The following DOCK5 variants were observed in gnomAD, a reference collection of about 807,000 sequenced individuals.
DOCK5 encodes dedicator of cytokinesis 5.
A neutral mutation model predicts 251.8 loss-of-function variants in DOCK5; 142 were observed. That is an observed-to-expected ratio of 0.56 (90% confidence interval 0.49 to 0.65). The LOEUF (loss-of-function observed/expected upper bound fraction) is 0.65. Among genes scored for constraint, DOCK5 ranks in the 30% least tolerant of loss-of-function variants. DOCK5 has a pLI of 0.00. For synonymous variants in DOCK5, 842 were observed against 835.5 expected (o/e 1.01, Z -0.13); for missense variants, 2,111 against 2,312.3 (o/e 0.91, Z 1.79).
chr8:25,401,201 G>C, intron 47 of DOCK5, 135 bp downstream of exon 47: 2 of 1,268,536 alleles, frequency 1.6e-6, no homozygotes, highest in Non-Finnish European at 2.2e-6. Flanking sequence ...TGGTGGGAGA[G>C]AGTGTGTTCC....
At chr8:25,404,820 CCA>C (rs1218095035) in intron 48 of DOCK5, among the ~76,000 whole-genome samples, 3 of 152,060 alleles carry the variant, frequency 2.0e-5, no homozygotes, top group African/African-American at 4.8e-5. Flanking sequence ...AAAGATTATA[CCA>C]GTTTACACTC....
At chr8:25,365,196 C>G (rs1456014996) in intron 30 of DOCK5, among the ~76,000 whole-genome samples, 1 of 152,190 alleles carries the variant, frequency 6.6e-6, no homozygotes, top group African/African-American at 2.4e-5. Flanking sequence ...ATCCATTCAT[C>G]CATTTAACAA....
At chr8:25,410,962 TGTGTGTGTGTGCGC>T (rs1397505999) in intron 51 of DOCK5, among the ~76,000 whole-genome samples, 1,169 of 30,988 alleles carry the variant, frequency 0.038, 17 homozygotes, top group South Asian at 0.16. Flanking sequence ...TGTGTGTGTG[TGTGTGTGTGTGCGC>T]GCGCGCGCAC....
At chr8:25,199,366 A>G (rs904395415) in intron 1 of DOCK5, among the ~76,000 whole-genome samples, 2 of 140,652 alleles carry the variant, frequency 1.4e-5, no homozygotes, top group Non-Finnish European at 3.0e-5. Context: ...CTCAGCTTCC[A>G]TTTCCGCTCT....
Position 25,317,046 on chromosome 8 carries a change from G to A in DOCK5, c.1358G>A (p.Gly453Asp). Residue 453 changes from glycine (G) to aspartate (D), a missense_variant, in exon 14 of 52, where the codon GGT becomes GAT. Physicochemically the swap from Gly to Asp is moderately conservative, Grantham distance 94 (BLOSUM62 -1). Around this residue, in one of 3 missense-constraint regions of DOCK5, gnomAD observed 1,717 missense variants for 1,892.4 expected, o/e 0.91. Transcript: ENST00000276440. ...RNDIYVTLIH[G>D]EFDKGKKKTP... Reference sequence around the variant, plus strand: ...GACATTTATGTCACCCTGATCCACGGTGAGTTTGACAAAGGGAAGAAGAAG... The same window carrying A: ...GACATTTATGTCACCCTGATCCACGATGAGTTTGACAAAGGGAAGAAGAAG... 2 of 1,613,962 alleles carry A rather than the reference G, an allele frequency of 1.2e-6. No individual in the cohort carries two copies. Among genetic ancestry groups the A allele is most frequent in the Non-Finnish European group, 8.5e-7 (1 of 1,179,874 alleles).
At chr8:25,343,692 C>T (rs957499537) in intron 25 of DOCK5, among the ~76,000 whole-genome samples, 1 of 152,204 alleles carries the variant, frequency 6.6e-6, no homozygotes. Flanking sequence ...GAGCTGGTTA[C>T]ATGCATCCCT....
intron 42 of DOCK5, 92 bp from the exon 43 acceptor site, chr8:25,391,804 C>A: frequency 9.0e-7 from 1 of 1,109,130 alleles, no homozygotes; most frequent in Non-Finnish European, 1.3e-6. Context: ...AAAACTCAGA[C>A]CAGGCAGATG....
At chr8:25,231,675 AT>A (rs1458171190) in intron 1 of DOCK5, among the ~76,000 whole-genome samples, 1 of 152,092 alleles carries the variant, frequency 6.6e-6, no homozygotes, top group Non-Finnish European at 1.5e-5. Context: ...TATGCCTTTT[AT>A]TTCTTTTTCT....
At chr8:25,332,556 G>T (rs989175008) in intron 19 of DOCK5, 47 bp from the exon 20 acceptor site, 2 of 1,498,606 alleles carry the variant, frequency 1.3e-6, no homozygotes, top group Non-Finnish European at 1.8e-6. Flanking sequence ...GTGGTGTGGG[G>T]CTGAATGAAA....
In DOCK5 at chr8:25,400,304, GCC is replaced by G. The variant is rs1801415842; in HGVS notation, c.4788+311_4788+312del. On this transcript the variant is annotated intron_variant, in intron 46 of 51. Coordinates refer to ENST00000276440, the MANE Select transcript of DOCK5 (RefSeq NM_024940.8). ...ACCTGAGGTCAGGAGTTCCAGACCA[GCC>G]TGGCCAACATGGTGAAACCCCATCT... 1.9e-4 allele frequency among the ~76,000 whole-genome samples: 29 copies of G among 152,058 alleles called. No homozygotes were observed. The South Asian group carries it at 5.8e-3, about 31-fold the overall frequency.
At chr8:25,404,684 A>G (rs1334138180) in intron 48 of DOCK5, among the ~76,000 whole-genome samples, 3 of 151,474 alleles carry the variant, frequency 2.0e-5, no homozygotes, top group Non-Finnish European at 2.9e-5. Context: ...ACAATGAATA[A>G]CCTTAAACAC....
chr8:25,228,476 A>G (rs1802586709), intron 1 of DOCK5, among the ~76,000 whole-genome samples: 1 of 152,138 alleles, frequency 6.6e-6, no homozygotes, highest in Non-Finnish European at 1.5e-5. Flanking sequence ...CCTTGTGGCT[A>G]CCCCATAGGC....
chr8:25,391,419 T>G (rs921374435), intron 42 of DOCK5, among the ~76,000 whole-genome samples: 1 of 151,834 alleles, frequency 6.6e-6, no homozygotes, highest in Admixed American at 6.6e-5. Flanking sequence ...GTGGATCACT[T>G]GAGGTCAGGA....
At chr8:25,383,719 G>A (rs373201400) in intron 40 of DOCK5, among the ~76,000 whole-genome samples, 43 of 152,262 alleles carry the variant, frequency 2.8e-4, no homozygotes, top group African/African-American at 1.0e-3. Flanking sequence ...GCTGGGCGTG[G>A]TGGTGCATGC....
At chr8:25,400,670 C>G (rs1032248891) in intron 46 of DOCK5, among the ~76,000 whole-genome samples, 25 of 151,988 alleles carry the variant, frequency 1.6e-4, no homozygotes, top group Non-Finnish European at 3.2e-4. Flanking sequence ...GGAAGTGCCC[C>G]AGGACTCCGT....
chr8:25,392,772 T>C (rs752493913), intron 43 of DOCK5, 24 bp from the exon 44 acceptor site: 1 of 1,598,580 alleles, frequency 6.3e-7, no homozygotes, highest in Non-Finnish European at 8.6e-7. Context: ...GACCAACATT[T>C]CATGTTTTCC....
chr8:25,270,300 C>T (rs1701469777), intron 3 of DOCK5, among the ~76,000 whole-genome samples: 1 of 152,184 alleles, frequency 6.6e-6, no homozygotes, highest in African/African-American at 2.4e-5. Context: ...AGACAGCAGG[C>T]ATGCCAGAGT....
At chr8:25,400,094 T>A in intron 46 of DOCK5, 100 bp downstream of exon 46, 1 of 954,224 alleles carries the variant, frequency 1.0e-6, no homozygotes, top group Non-Finnish European at 1.6e-6. Context: ...GGGTGACTTT[T>A]CTTTCTTTTT....
chr8:25,366,095 G>A (rs1388641568), intron 30 of DOCK5, among the ~76,000 whole-genome samples: 3 of 152,068 alleles, frequency 2.0e-5, no homozygotes, highest in Non-Finnish European at 4.4e-5. Flanking sequence ...ACTGGTCCAT[G>A]ATGTATTTAA....
Sources: allele counts gnomAD v4.1 joint callset (sites outside exome capture counted in the v4.1 genomes callset), GRCh38; gene constraint gnomAD v4.1.1; regional missense constraint gnomAD v4.1.1; transcripts MANE v1.5; gene names NCBI Gene and HGNC (gene_info 2026-07-23, HGNC 2026-07-21).